The following PIWIL1 variants were observed in gnomAD, a reference collection of about 807,000 sequenced individuals.
PIWIL1 encodes piwi like RNA-mediated gene silencing 1, also known as piwi-like protein 1.
PIWIL1 carries 73 observed loss-of-function variants against 114.4 expected under a neutral mutation model. The observed-to-expected ratio is 0.64, with a 90% CI of 0.53 to 0.78. PIWIL1 has a LOEUF of 0.78. Among genes scored for constraint, PIWIL1 ranks in the 30% least tolerant of loss-of-function variants. PIWIL1 has a pLI of 0.00. For synonymous variants in PIWIL1, 375 were observed against 369.0 expected (o/e 1.02, Z -0.19); for missense variants, 723 against 1,063.1 (o/e 0.68, Z 4.45).
At chr12:130,356,029 A>T (rs1262306767) in intron 12 of PIWIL1, among the ~76,000 whole-genome samples, 1 of 151,992 alleles carries the variant, frequency 6.6e-6, no homozygotes, top group South Asian at 2.1e-4. Context: ...TGTAAGACTT[A>T]GCTAAAAAGT....
At chr12:130,346,798 C>A in intron 5 of PIWIL1, 143 bp from the exon 6 acceptor site, 1 of 1,093,706 alleles carries the variant, frequency 9.1e-7, no homozygotes, top group Non-Finnish European at 1.3e-6. Flanking sequence ...CTTAGCCACT[C>A]TTTTTCTCAG....
chr12:130,346,849 T>G, intron 5 of PIWIL1, 92 bp from the exon 6 acceptor site: 1 of 1,492,082 alleles, frequency 6.7e-7, no homozygotes, highest in African/African-American at 1.4e-5. Context: ...TTTATGGTTT[T>G]CAATGTTGCC....
chr12:130,338,780 G>A (rs1231434482), intron 1 of PIWIL1, among the ~76,000 whole-genome samples: 4 of 129,016 alleles, frequency 3.1e-5, no homozygotes, highest in Non-Finnish European at 6.6e-5. Flanking sequence ...GTGCGGGGGC[G>A]ATGTATCAGG....
Position 130,361,577 on chromosome 12 carries a change from C to T in PIWIL1, c.1946C>T (p.Ala649Val). 1 of 1,614,038 alleles carries T rather than the reference C, an allele frequency of 6.2e-7. No homozygotes were observed. Among genetic ancestry groups the T allele is most frequent in the Non-Finnish European group, 8.5e-7 (1 of 1,179,948 alleles). The stretch of plus-strand genomic sequence containing the variant: ...CGGAGGTCAATCGCAGGATTTGTTG[C>T]CAGCATCAATGAAGGGATGACCCGG... ...AGRRSIAGFV[A>V]SINEGMTRWF... The change falls in exon 16 of 21, where the codon GCC becomes GTC. Residue 649 changes from alanine (A) to valine (V), a missense_variant. Physicochemically the swap from Ala to Val is moderately conservative, Grantham distance 64 (BLOSUM62 0). Coordinates refer to ENST00000245255, the MANE Select transcript of PIWIL1 (RefSeq NM_004764.5).
intron 18 of PIWIL1, among the ~76,000 whole-genome samples, chr12:130,364,197 A>C (rs1330700213): frequency 6.6e-6 from 1 of 152,206 alleles, no homozygotes; most frequent in Non-Finnish European, 1.5e-5. Flanking sequence ...TAAAGATTGA[A>C]CTTTTCAGGA....
At chr12:130,356,285 AT>A (rs200936813) in intron 12 of PIWIL1, among the ~76,000 whole-genome samples, 3,958 of 141,216 alleles carry the variant, frequency 0.028, 79 homozygotes, top group African/African-American at 0.063. Flanking sequence ...CAACATTTTC[AT>A]TTTTTTTTTT....
chr12:130,351,442 C>T (rs1326999386), intron 9 of PIWIL1: 1 of 152,218 alleles, frequency 6.6e-6, no homozygotes, highest in Non-Finnish European at 1.5e-5. Context: ...CCAGCCTAGA[C>T]TTGTCTAAGC....
chr12:130,385,274 T>G, the PIWIL1 span, among the ~76,000 whole-genome samples: 1 of 152,262 alleles, frequency 6.6e-6, no homozygotes, highest in Non-Finnish European at 1.5e-5. Context: ...GAATTTAAAG[T>G]GTTTTGTGTA....
chr12:130,342,613 A>G lies in PIWIL1; in HGVS notation c.22A>G (p.Arg8Gly). MTGRARA[R>G]ARGRARGQET... Reference sequence around the variant, plus strand: ...AACAATGACTGGGAGAGCCCGAGCCAGAGCCAGAGGAAGGGCCCGCGGTCA... The same window carrying G: ...AACAATGACTGGGAGAGCCCGAGCCGGAGCCAGAGGAAGGGCCCGCGGTCA... The change falls in exon 2 of 21, where the codon AGA becomes GGA. Residue 8 changes from arginine (R) to glycine (G), a missense_variant. Around this residue, in one of 8 missense-constraint regions of PIWIL1, gnomAD observed 91 missense variants for 76.2 expected, o/e 1.19. Coordinates refer to ENST00000245255, the MANE Select transcript of PIWIL1 (RefSeq NM_004764.5). The G allele has an allele frequency of 1.9e-6, 3 of 1,613,790 alleles. No individual in the cohort carries two copies. The highest frequency in any genetic ancestry group is 2.5e-6 in the Non-Finnish European group (3 of 1,179,692).
chr12:130,397,260 G>A, the PIWIL1 span: 1 of 395,718 alleles, frequency 2.5e-6, no homozygotes, highest in African/African-American at 2.1e-5. Flanking sequence ...GGTGTCAGGG[G>A]AGAAGATTGG....
At chr12:130,377,831 A>G in the PIWIL1 span, among the ~76,000 whole-genome samples, 104,227 of 152,164 alleles carry the variant, frequency 0.68, 36,120 homozygotes, top group Non-Finnish European at 0.73. Flanking sequence ...ATCTGGCCTC[A>G]TGATTTGCTC....
chr12:130,412,566 G>A, the PIWIL1 span: 1 of 1,533,078 alleles, frequency 6.5e-7, no homozygotes, highest in Non-Finnish European at 9.0e-7. Context: ...TGAGCGGCAG[G>A]TGTTTTGTGG....
At chr12:130,368,031 C>T (rs1025825684) in intron 19 of PIWIL1, among the ~76,000 whole-genome samples, 1 of 152,206 alleles carries the variant, frequency 6.6e-6, no homozygotes, top group African/African-American at 2.4e-5. Context: ...CTCCTGGCCT[C>T]AAGTGATCCG....
intron 1 of PIWIL1, among the ~76,000 whole-genome samples, chr12:130,338,862 G>C (rs1162823678): frequency 7.4e-6 from 1 of 134,834 alleles, no homozygotes; most frequent in African/African-American, 2.8e-5. Flanking sequence ...GGGTGCGGGG[G>C]TGCAGGGGCC....
intron 1 of PIWIL1, among the ~76,000 whole-genome samples, chr12:130,339,015 C>G (rs1375647263): frequency 3.3e-5 from 5 of 151,924 alleles, no homozygotes; most frequent in Non-Finnish European, 7.4e-5. Context: ...GGAGGGCCTT[C>G]GGGACCTCCC....
chr12:130,396,672 A>C, the PIWIL1 span: 2 of 152,654 alleles, frequency 1.3e-5, no homozygotes, highest in African/African-American at 2.4e-5. Context: ...GGAAGGTTGG[A>C]GTACTGGTGC....
the PIWIL1 span, among the ~76,000 whole-genome samples, chr12:130,378,093 C>G: frequency 6.6e-6 from 1 of 152,202 alleles, no homozygotes; most frequent in Non-Finnish European, 1.5e-5. Flanking sequence ...ACCTCTGGAT[C>G]TACTGCCACC....
At chr12:130,386,423 ATTCACCCATGCACACTACC>A in the PIWIL1 span, among the ~76,000 whole-genome samples, 1 of 58,938 alleles carries the variant, frequency 1.7e-5, no homozygotes, top group East Asian at 4.7e-4. Flanking sequence ...TCCTGTCTCC[ATTCACCCATGCACACTACC>A]CCTTCCTGTC....
the PIWIL1 span, among the ~76,000 whole-genome samples, chr12:130,413,454 T>TC: frequency 6.6e-6 from 1 of 151,804 alleles, no homozygotes. Context: ...TCATGGTGAA[T>TC]CCCTGTCTCT....
Sources: allele counts gnomAD v4.1 joint callset (sites outside exome capture counted in the v4.1 genomes callset), GRCh38; gene constraint gnomAD v4.1.1; regional missense constraint gnomAD v4.1.1; transcripts MANE v1.5; gene names NCBI Gene and HGNC (gene_info 2026-07-23, HGNC 2026-07-21).